Variants in PHACTR1 observed in about 807,000 individuals in gnomAD.
PHACTR1 encodes phosphatase and actin regulator 1, also known as RPEL repeat containing 1.
In PHACTR1, 16 loss-of-function variants were observed where a neutral mutation model predicts 69.2. The observed-to-expected ratio is 0.23, with a 90% CI of 0.16 to 0.35. PHACTR1 has a LOEUF of 0.35. PHACTR1 is among the 10% of genes least tolerant of loss of function. PHACTR1 has a pLI of 1.00. For synonymous variants in PHACTR1, 312 were observed against 284.5 expected, an observed-to-expected ratio of 1.10 and a Z score of -0.97; for missense variants, 510 against 734.7, an observed-to-expected ratio of 0.69 and a Z score of 3.54.
At chr6:13,265,271 T>C (rs1427827334) in intron 10 of PHACTR1, among the ~76,000 whole-genome samples, 1 of 152,158 alleles carries the variant, frequency 6.6e-6, no homozygotes, top group Non-Finnish European at 1.5e-5. Flanking sequence ...GGCATTTTTT[T>C]CAGGCCTCAT....
At chr6:12,803,103 T>C (rs1773899615) in intron 4 of PHACTR1, among the ~76,000 whole-genome samples, 1 of 152,226 alleles carries the variant, frequency 6.6e-6, no homozygotes, top group Non-Finnish European at 1.5e-5. Context: ...TGTGATCTGC[T>C]GACAAGCCAC....
At chr6:12,987,575 G>C (rs541259395) in intron 4 of PHACTR1, among the ~76,000 whole-genome samples, 64 of 152,238 alleles carry the variant, frequency 4.2e-4, no homozygotes, top group Non-Finnish European at 7.1e-4. Flanking sequence ...GGATGGCTTT[G>C]GGCTTGATTG....
At chr6:12,966,991 AC>A (rs1176170928) in intron 4 of PHACTR1, among the ~76,000 whole-genome samples, 2 of 152,154 alleles carry the variant, frequency 1.3e-5, no homozygotes, top group Admixed American at 6.5e-5. Context: ...TTATCTCTGA[AC>A]CTTTTTAAAG....
At position 13,230,043 on chromosome 6, in the gene PHACTR1, T is replaced by A; in HGVS notation, c.1241T>A (p.Leu414Gln). The change falls in exon 10 of 15, where the codon CTG (leucine) becomes CAG (glutamine). Residue 414 changes from leucine (L) to glutamine (Q), a missense_variant. Coordinates refer to ENST00000332995, the MANE Select transcript of PHACTR1 (RefSeq NM_030948.6). ...DDDSSLYTSSLAMKVCRKDSL... is the reference protein window; with the variant it reads ...DDDSSLYTSSQAMKVCRKDSL... ...TCATTTCTGTCTCCTACAGGCTCCC[T>A]GGCCATGAAGGTCTGCAGGAAGGAC... 6.2e-7 allele frequency: 1 copy of A among 1,608,948 alleles called. No individual in the cohort carries two copies. Among genetic ancestry groups the A allele is most frequent in the South Asian group, 1.1e-5 (1 of 90,098 alleles).
At chr6:13,264,759 A>G (rs1043113890) in intron 10 of PHACTR1, 2 of 152,198 alleles carry the variant, frequency 1.3e-5, no homozygotes, top group African/African-American at 4.8e-5. Flanking sequence ...GTGGTAGCTT[A>G]TAACAGTAAT....
chr6:12,900,660 T>G (rs925949005), intron 4 of PHACTR1, among the ~76,000 whole-genome samples: 4 of 152,228 alleles, frequency 2.6e-5, no homozygotes, highest in Admixed American at 1.3e-4. Flanking sequence ...ATTGTGCCAT[T>G]GTACTCCAGC....
At chr6:13,195,237 A>G (rs1583856561) in intron 7 of PHACTR1, among the ~76,000 whole-genome samples, 1 of 152,186 alleles carries the variant, frequency 6.6e-6, no homozygotes. Flanking sequence ...ATATACTGCC[A>G]ATAGGCCCTT....
chr6:13,105,357 TGA>T (rs1392447090), intron 5 of PHACTR1, among the ~76,000 whole-genome samples: 1 of 151,542 alleles, frequency 6.6e-6, no homozygotes, highest in Non-Finnish European at 1.5e-5. Context: ...CCACCCTGGG[TGA>T]GAGAGTGAGA....
At chr6:12,966,985 C>G (rs1200935215) in intron 4 of PHACTR1, among the ~76,000 whole-genome samples, 1 of 152,138 alleles carries the variant, frequency 6.6e-6, no homozygotes, top group African/African-American at 2.4e-5. Flanking sequence ...TATGAATTAT[C>G]TCTGAACCTT....
intron 8 of PHACTR1, among the ~76,000 whole-genome samples, chr6:13,218,075 C>CT (rs564989669): frequency 6.8e-4 from 103 of 152,132 alleles, no homozygotes; most frequent in African/African-American, 2.1e-3. Flanking sequence ...TAATGTCTTT[C>CT]TTTTTTTTAA....
intron 4 of PHACTR1, among the ~76,000 whole-genome samples, chr6:12,898,269 C>G (rs767751671): frequency 3.3e-5 from 5 of 152,158 alleles, no homozygotes; most frequent in Non-Finnish European, 5.9e-5. Flanking sequence ...TGGAAAGCTT[C>G]CCTGCCCAAG....
intron 5 of PHACTR1, among the ~76,000 whole-genome samples, chr6:13,154,787 G>A (rs949056856): frequency 4.0e-5 from 6 of 150,940 alleles, no homozygotes; most frequent in East Asian, 1.9e-4. Flanking sequence ...TCCCTTTCTC[G>A]GTGGCTCACT....
intron 4 of PHACTR1, among the ~76,000 whole-genome samples, chr6:12,752,842 T>G (rs1267955330): frequency 6.6e-6 from 1 of 152,224 alleles, no homozygotes; most frequent in African/African-American, 2.4e-5. Context: ...CTTTCATCAA[T>G]GTATGAAGAT....
chr6:12,777,071 C>T (rs773405403), intron 4 of PHACTR1, among the ~76,000 whole-genome samples: 1 of 152,074 alleles, frequency 6.6e-6, no homozygotes, highest in Non-Finnish European at 1.5e-5. Flanking sequence ...GTGCCCATAG[C>T]ATCTATGTTT....
rs539520912 is a variant in PHACTR1, at chr6:12,890,154, C to T, written c.250+140364C>T. Among the ~76,000 whole-genome samples the T allele has an allele frequency of 1.5e-3, 227 of 152,204 alleles. 1 individual carries two copies. The highest frequency in any genetic ancestry group is 4.9e-3 in the African/African-American group (205 of 41,514). ...GGAACGTGAACCCTATTGTGAACTG[C>T]GCACGTGAGGGATCTAGGTTGCACT... On this transcript the variant is annotated intron_variant, in intron 4 of 14. Transcript: ENST00000332995.
chr6:13,114,120 C>G (rs1023060355), intron 5 of PHACTR1, among the ~76,000 whole-genome samples: 3 of 152,198 alleles, frequency 2.0e-5, no homozygotes, highest in African/African-American at 7.2e-5. Flanking sequence ...TCCCTGCCCC[C>G]CATTTCCCAG....
chr6:13,059,109 C>T (rs140023463), intron 5 of PHACTR1, among the ~76,000 whole-genome samples: 8 of 152,124 alleles, frequency 5.3e-5, no homozygotes, highest in Admixed American at 1.3e-4. Context: ...TGGAATGTTC[C>T]ATTTTGACAT....
intron 4 of PHACTR1, among the ~76,000 whole-genome samples, chr6:12,956,309 C>G (rs898622960): frequency 1.3e-5 from 2 of 152,168 alleles, no homozygotes; most frequent in Non-Finnish European, 2.9e-5. Flanking sequence ...ACTTGATCGT[C>G]GTATTGTGTG....
intron 4 of PHACTR1, among the ~76,000 whole-genome samples, chr6:13,052,455 C>T (rs1033061021): frequency 1.3e-5 from 2 of 152,184 alleles, no homozygotes; most frequent in African/African-American, 4.8e-5. Context: ...TGAATTCCTT[C>T]CATGCTCTCA....
Sources: gnomAD v4.1 joint callset for allele counts (sites outside exome capture counted in the v4.1 genomes callset) on GRCh38, gnomAD v4.1.1 for gene constraint, MANE v1.5 for transcripts, NCBI Gene and HGNC (gene_info 2026-07-23, HGNC 2026-07-21) for gene names.